The following SLIT3 variants were observed in gnomAD, a reference collection of about 807,000 sequenced individuals.
SLIT3 encodes the protein slit homolog 3 protein.
A neutral mutation model predicts 184.0 loss-of-function variants in SLIT3; 68 were observed. The observed-to-expected ratio is 0.37, with a 90% confidence interval of 0.30 to 0.45. The LOEUF is 0.45. Ranked by LOEUF, SLIT3 falls within the 20% of genes least tolerant of loss-of-function variation. The probability of loss-of-function intolerance (pLI) is 1.00; values close to 1 mark genes in which losing one functional copy is unlikely to be tolerated. For missense variants in SLIT3, 1,707 were observed against 2,026.0 expected, an observed-to-expected ratio of 0.84 and a Z score of 3.02; for synonymous variants, 831 against 828.6, an observed-to-expected ratio of 1.00 and a Z score of -0.05.
intron 4 of SLIT3, among the ~76,000 whole-genome samples, chr5:168,920,936 C>A (rs1281802131): frequency 6.6e-6 from 1 of 152,168 alleles, no homozygotes; most frequent in East Asian, 1.9e-4. Context: ...CATTTATATC[C>A]TACGGGATAA....
chr5:168,854,699 C>T (rs1758795306), intron 5 of SLIT3, among the ~76,000 whole-genome samples: 2 of 152,194 alleles, frequency 1.3e-5, no homozygotes, highest in Admixed American at 1.3e-4. Context: ...TGGCCTTCCC[C>T]AGAGGTGACA....
chr5:168,737,770 T>C (rs1763487239), intron 20 of SLIT3, among the ~76,000 whole-genome samples: 1 of 152,228 alleles, frequency 6.6e-6, no homozygotes, highest in South Asian at 2.1e-4. Flanking sequence ...GCAGAGTTTG[T>C]TTCCAGAACC....
intron 4 of SLIT3, among the ~76,000 whole-genome samples, chr5:169,089,302 G>A (rs1336057552): frequency 6.6e-6 from 1 of 152,092 alleles, no homozygotes; most frequent in East Asian, 1.9e-4. Flanking sequence ...GAAACTTCTA[G>A]AAACCTCTTC....
intron 35 of SLIT3, among the ~76,000 whole-genome samples, chr5:168,668,181 C>T (rs1459588495): frequency 6.6e-6 from 1 of 152,120 alleles, no homozygotes; most frequent in Non-Finnish European, 1.5e-5. Context: ...AATATAATTT[C>T]CTTTGTTTAG....
chr5:169,084,696 G>A (rs1283965207), intron 4 of SLIT3, among the ~76,000 whole-genome samples: 1 of 152,158 alleles, frequency 6.6e-6, no homozygotes, highest in Non-Finnish European at 1.5e-5. Context: ...CAGCAACACT[G>A]GGTCCATACC....
chr5:168,783,357 G>A (rs900244073), intron 12 of SLIT3, among the ~76,000 whole-genome samples: 2 of 151,978 alleles, frequency 1.3e-5, no homozygotes, highest in African/African-American at 4.8e-5. Context: ...AAAGCTCCCA[G>A]GAGGCTGGCT....
chr5:168,854,174 T>C (rs1212062419), intron 5 of SLIT3, among the ~76,000 whole-genome samples: 1 of 152,174 alleles, frequency 6.6e-6, no homozygotes, highest in Non-Finnish European at 1.5e-5. Context: ...CACCTTTCTC[T>C]GACTTTCAAA....
chr5:169,225,366 C>T (rs1581075279), intron 3 of SLIT3, among the ~76,000 whole-genome samples: 1 of 152,230 alleles, frequency 6.6e-6, no homozygotes, highest in South Asian at 2.1e-4. Flanking sequence ...GCAGGGGCAA[C>T]ACAGAGCTCC....
At chr5:169,097,212 CTA>C (rs1401984560) in intron 4 of SLIT3, among the ~76,000 whole-genome samples, 1 of 152,160 alleles carries the variant, frequency 6.6e-6, no homozygotes, top group African/African-American at 2.4e-5. Context: ...TGTTCCCTGC[CTA>C]TAGGGCCAAG....
intron 30 of SLIT3, among the ~76,000 whole-genome samples, chr5:168,686,707 T>TTAGATGGAATCC (rs1761754796): frequency 6.6e-6 from 1 of 152,214 alleles, no homozygotes; most frequent in Non-Finnish European, 1.5e-5. Context: ...AAGCATGACA[T>TTAGATGGAATCC]TACACAAGCT....
chr5:169,288,775 G>C (rs577707872), intron 1 of SLIT3, among the ~76,000 whole-genome samples: 10 of 152,266 alleles, frequency 6.6e-5, no homozygotes, highest in South Asian at 4.2e-4. Flanking sequence ...TGGTTAAGCT[G>C]CTGACATGGC....
chr5:169,262,583 G>A (rs1470051079), intron 1 of SLIT3, among the ~76,000 whole-genome samples: 1 of 152,098 alleles, frequency 6.6e-6, no homozygotes, highest in Admixed American at 6.6e-5. Context: ...ACCATAAAAG[G>A]GGCCGAGCAA....
chr5:168,687,219 A>G (rs1417478462), intron 29 of SLIT3, 103 bp from the exon 30 acceptor site: 6 of 1,339,112 alleles, frequency 4.5e-6, no homozygotes, highest in Non-Finnish European at 6.3e-6. Flanking sequence ...CATCTCTTCT[A>G]TCTACCCAAG....
chr5:168,761,314 C>T (rs61405438), intron 15 of SLIT3, among the ~76,000 whole-genome samples: 1,830 of 152,166 alleles, frequency 0.012, 33 homozygotes, highest in African/African-American at 0.04. Context: ...CCAAGCCCTT[C>T]AGCTCCTTCC....
At chr5:169,127,736 G>C (rs1273329013) in intron 4 of SLIT3, among the ~76,000 whole-genome samples, 2 of 152,146 alleles carry the variant, frequency 1.3e-5, no homozygotes, top group African/African-American at 4.8e-5. Flanking sequence ...AATTAAATCA[G>C]AACTGTAGTT....
At chr5:169,263,498 T>A in intron 1 of SLIT3, 1 of 398,066 alleles carries the variant, frequency 2.5e-6, no homozygotes, top group South Asian at 1.9e-5. Context: ...CCCCTGCAGA[T>A]TTCAGAAGGA....
intron 4 of SLIT3, among the ~76,000 whole-genome samples, chr5:168,883,540 C>A (rs940104484): frequency 9.9e-5 from 15 of 152,196 alleles, no homozygotes; most frequent in Admixed American, 2.0e-4. Context: ...GGTTACCAGG[C>A]GGAGCAGCTC....
chr5:169,130,048 C>T (rs1384360345), intron 4 of SLIT3, among the ~76,000 whole-genome samples: 3 of 152,102 alleles, frequency 2.0e-5, no homozygotes, highest in South Asian at 2.1e-4. Context: ...AGGATTTCAC[C>T]ATTTTGGCGA....
At chr5:169,203,265 G>A (rs922975819) in intron 3 of SLIT3, among the ~76,000 whole-genome samples, 1 of 151,796 alleles carries the variant, frequency 6.6e-6, no homozygotes, top group Non-Finnish European at 1.5e-5. Context: ...TTGTACAAGG[G>A]TATATATTAG....
Sources: allele counts gnomAD v4.1 joint callset (sites outside exome capture counted in the v4.1 genomes callset), GRCh38; gene constraint gnomAD v4.1.1; transcripts MANE v1.5; gene names NCBI Gene and HGNC (gene_info 2026-07-23, HGNC 2026-07-21).